Variants in ZBBX observed in about 807,000 individuals in gnomAD.
ZBBX encodes zinc finger B-box domain-containing protein 1.
Under a neutral mutation model 108.5 loss-of-function variants are expected in ZBBX, and 101 were observed. The observed-to-expected ratio is 0.93, with a 90% confidence interval of 0.79 to 1.10. The LOEUF (loss-of-function observed/expected upper bound fraction) is 1.10. Among genes scored for constraint, ZBBX ranks in the 50% least tolerant of loss-of-function variants. ZBBX has a pLI of 0.00. For missense variants in ZBBX, 1,009 were observed against 941.4 expected (o/e 1.07, Z -0.94); for synonymous variants, 356 against 323.4 (o/e 1.10, Z -1.08).
chr3:167,288,484 C>G (rs1211134363), intron 19 of ZBBX, among the ~76,000 whole-genome samples: 1 of 152,100 alleles, frequency 6.6e-6, no homozygotes, highest in African/African-American at 2.4e-5. Context: ...ATGGCTCTGT[C>G]TGATCATAAT....
rs1744352152 is a variant in ZBBX, at chr3:167,360,623, T to C, written c.322+52A>G. 4 of 1,083,454 alleles carry C rather than the reference T, an allele frequency of 3.7e-6. No homozygotes were observed. The East Asian group carries it at 1.2e-4, about 32-fold the overall frequency. The allele number at this position is 1,083,454 out of a possible 1,614,324, so 67.1% of individuals were successfully genotyped here. A position where few individuals can be genotyped will look rare whatever the true frequency, so the allele number is the denominator to read the frequency against. On this transcript the variant is annotated intron_variant, in intron 7 of 21. Coordinates refer to ENST00000675490, the MANE Select transcript of ZBBX (RefSeq NM_001199201.2). ...TTTAACTTTATTTGTAATTACAATGTAAAAGAAAGGGATGTCTTTAGCATT... is the reference window on the plus strand; with the variant it reads ...TTTAACTTTATTTGTAATTACAATGCAAAAGAAAGGGATGTCTTTAGCATT...
chr3:167,327,527 C>T (rs1737609878), intron 11 of ZBBX, among the ~76,000 whole-genome samples: 1 of 152,112 alleles, frequency 6.6e-6, no homozygotes, highest in Non-Finnish European at 1.5e-5. Context: ...AAACTGCTGT[C>T]CCAGTGTTTA....
chr3:167,366,043 TAC>T lies in ZBBX; in HGVS notation c.183-69_183-68del. The T allele has an allele frequency of 3.2e-6, 4 of 1,245,772 alleles. No individual in the cohort carries two copies. In the East Asian group the frequency reaches 7.3e-5, roughly 23 times the overall value. 77.2% of individuals were successfully genotyped at this position (1,245,772 alleles called of 1,614,324 possible). On this transcript the variant is annotated intron_variant, in intron 5 of 21. Coordinates refer to ENST00000675490, the MANE Select transcript of ZBBX (RefSeq NM_001199201.2). ...CATTTCTCCCTTTAATGAAAAGAAA[TAC>T]AGTGTTCCTGTTTCAGAAAATGGAA...
the ZBBX span, among the ~76,000 whole-genome samples, chr3:167,196,974 C>A: frequency 6.6e-6 from 1 of 152,128 alleles, no homozygotes; most frequent in Non-Finnish European, 1.5e-5. Flanking sequence ...ACCATAATTT[C>A]TTTCTTCAAG....
intron 9 of ZBBX, among the ~76,000 whole-genome samples, chr3:167,339,204 C>A (rs1374051658): frequency 6.6e-6 from 1 of 151,850 alleles, no homozygotes; most frequent in Non-Finnish European, 1.5e-5. Flanking sequence ...AAAATCTTAA[C>A]AACATATGAA....
At chr3:167,189,460 G>A in the ZBBX span, among the ~76,000 whole-genome samples, 1 of 152,038 alleles carries the variant, frequency 6.6e-6, no homozygotes, top group Admixed American at 6.6e-5. Context: ...GTATGCTTAA[G>A]TGAATGCTAG....
chr3:167,215,968 A>G, the ZBBX span, among the ~76,000 whole-genome samples: 2 of 152,146 alleles, frequency 1.3e-5, no homozygotes, highest in East Asian at 1.9e-4. Flanking sequence ...TAGGTATTGA[A>G]GAAACATACC....
chr3:167,313,758 G>C (rs563752790), intron 16 of ZBBX, among the ~76,000 whole-genome samples: 539 of 152,260 alleles, frequency 3.5e-3, no homozygotes, highest in Non-Finnish European at 4.4e-3. Flanking sequence ...CTTTTAGAGT[G>C]CCCTATATTG....
chr3:167,346,284 G>A (rs1345662735), intron 9 of ZBBX, among the ~76,000 whole-genome samples: 1 of 151,824 alleles, frequency 6.6e-6, no homozygotes, highest in Admixed American at 6.6e-5. Flanking sequence ...AAAAGGCAAA[G>A]AAACTTGAAG....
the ZBBX span, among the ~76,000 whole-genome samples, chr3:167,200,644 G>A: frequency 6.6e-6 from 1 of 152,144 alleles, no homozygotes; most frequent in African/African-American, 2.4e-5. Context: ...TATTTATTCA[G>A]TTATTCACAA....
chr3:167,379,882 G>A (rs928007105), intron 1 of ZBBX, 90 bp from the exon 2 acceptor site: 4 of 152,270 alleles, frequency 2.6e-5, no homozygotes, highest in Non-Finnish European at 5.9e-5. Flanking sequence ...GCTAGTATTT[G>A]AAAGGGTCGG....
At chr3:167,377,497 G>A (rs1242614643) in intron 2 of ZBBX, among the ~76,000 whole-genome samples, 1 of 152,090 alleles carries the variant, frequency 6.6e-6, no homozygotes, top group African/African-American at 2.4e-5. Context: ...TTTTGAAATG[G>A]TCTAATTAGC....
At chr3:167,339,683 G>C (rs1251307979) in intron 9 of ZBBX, among the ~76,000 whole-genome samples, 1 of 152,058 alleles carries the variant, frequency 6.6e-6, no homozygotes, top group Non-Finnish European at 1.5e-5. Flanking sequence ...TTAAGTTCCA[G>C]GATACATGTG....
At chr3:167,365,286 C>A (rs1745161031) in intron 6 of ZBBX, among the ~76,000 whole-genome samples, 1 of 151,716 alleles carries the variant, frequency 6.6e-6, no homozygotes, top group Non-Finnish European at 1.5e-5. Context: ...AGTCACGAAT[C>A]TTGCACTAAA....
chr3:167,335,921 T>C (rs1577030709), intron 9 of ZBBX, among the ~76,000 whole-genome samples: 1 of 152,116 alleles, frequency 6.6e-6, no homozygotes, highest in East Asian at 1.9e-4. Flanking sequence ...TTAAAAGAAA[T>C]TCAAGTCAAT....
At chr3:167,310,392 C>T (rs1009944159) in intron 16 of ZBBX, among the ~76,000 whole-genome samples, 1 of 152,154 alleles carries the variant, frequency 6.6e-6, no homozygotes, top group East Asian at 1.9e-4. Flanking sequence ...ATCTTTACAG[C>T]ACTACTTCAC....
chr3:167,234,281 A>C, the ZBBX span, among the ~76,000 whole-genome samples: 4 of 151,904 alleles, frequency 2.6e-5, no homozygotes, highest in African/African-American at 9.7e-5. Flanking sequence ...CACAGGTTAC[A>C]AAATACCCTA....
At chr3:167,290,544 T>C (rs955707382) in intron 18 of ZBBX, among the ~76,000 whole-genome samples, 3 of 152,096 alleles carry the variant, frequency 2.0e-5, no homozygotes, top group African/African-American at 7.2e-5. Flanking sequence ...AGAGACCCCA[T>C]CTGAAGGTCA....
At chr3:167,350,380 T>A in intron 9 of ZBBX, 40 bp downstream of exon 9, 3 of 1,478,046 alleles carry the variant, frequency 2.0e-6, no homozygotes, top group Non-Finnish European at 2.8e-6. Flanking sequence ...GGAAACATTT[T>A]ATAAACACAC....
Sources: allele counts gnomAD v4.1 joint callset (sites outside exome capture counted in the v4.1 genomes callset), GRCh38; gene constraint gnomAD v4.1.1; transcripts MANE v1.5; gene names NCBI Gene and HGNC (gene_info 2026-07-23, HGNC 2026-07-21).